PRUNE2: variants seen among roughly 807,000 people sequenced by gnomAD.
PRUNE2 encodes protein prune homolog 2.
A neutral mutation model predicts 252.0 loss-of-function variants in PRUNE2; 164 were observed. The observed-to-expected ratio is 0.65, with a 90% CI of 0.57 to 0.74. The LOEUF is 0.74. Among genes scored for constraint, PRUNE2 ranks in the 30% least tolerant of loss-of-function variants. The pLI, the probability that PRUNE2 is intolerant of heterozygous loss-of-function variation, is 0.00. For missense variants in PRUNE2, 3,495 were observed against 3,711.0 expected, an observed-to-expected ratio of 0.94 and a Z score of 1.51; for synonymous variants, 1,292 against 1,350.2, an observed-to-expected ratio of 0.96 and a Z score of 0.94.
In PRUNE2 at chr9:76,709,975, A is replaced by C; in HGVS notation, c.2299T>G (p.Ser767Ala). ...GTNHLIEDFASLWHSGRSPTA... is the reference protein window; with the variant it reads ...GTNHLIEDFAALWHSGRSPTA... ...GGAGAGCGACCAGAATGCCACAAAGAAGCAAAGTCTTCTATCAGGTGGTTT... is the reference window on the plus strand; with the variant it reads ...GGAGAGCGACCAGAATGCCACAAAGCAGCAAAGTCTTCTATCAGGTGGTTT... The change falls in exon 8 of 19, where the codon TCT (serine) becomes GCT (alanine). Residue 767 changes from serine (S) to alanine (A), a missense_variant. Ser to Ala is a moderately conservative substitution (Grantham distance 99). Transcript: ENST00000376718. The C allele has an allele frequency of 1.9e-6, 3 of 1,613,732 alleles. No homozygotes were observed. The highest frequency in any genetic ancestry group is 1.7e-6 in the Non-Finnish European group (2 of 1,179,790).
At chr9:76,693,704 A>T (rs2045067060) in intron 9 of PRUNE2, among the ~76,000 whole-genome samples, 1 of 152,096 alleles carries the variant, frequency 6.6e-6, no homozygotes, top group Admixed American at 6.5e-5. Context: ...GGCCTCTCAA[A>T]GTGCTGGGAT....
chr9:76,721,571 T>G (rs1227725440), intron 6 of PRUNE2, among the ~76,000 whole-genome samples: 1 of 152,224 alleles, frequency 6.6e-6, no homozygotes, highest in Non-Finnish European at 1.5e-5. Flanking sequence ...TATATGTCAC[T>G]TGTAGTAAAA....
intron 9 of PRUNE2, among the ~76,000 whole-genome samples, chr9:76,691,621 T>C (rs2044732807): frequency 6.6e-6 from 1 of 152,154 alleles, no homozygotes; most frequent in Admixed American, 6.5e-5. Context: ...TAGCAATTAG[T>C]AATAACATTT....
chr9:76,892,297 A>G (rs1449733556), intron 1 of PRUNE2, among the ~76,000 whole-genome samples: 1 of 152,212 alleles, frequency 6.6e-6, no homozygotes, highest in African/African-American at 2.4e-5. Context: ...ACTCTGTCAC[A>G]ATGTACTGTG....
intron 6 of PRUNE2, among the ~76,000 whole-genome samples, chr9:76,753,789 G>T (rs2050847432): frequency 6.6e-6 from 1 of 152,048 alleles, no homozygotes; most frequent in African/African-American, 2.4e-5. Context: ...GTGGTGGCGG[G>T]CACCTGTAGT....
chr9:76,847,418 G>A, intron 3 of PRUNE2, among the ~76,000 whole-genome samples: 1 of 151,204 alleles, frequency 6.6e-6, no homozygotes, highest in African/African-American at 2.4e-5. Flanking sequence ...CATTGTATAA[G>A]TTTTTTTTAA....
In PRUNE2 at chr9:76,706,861, T is replaced by G. The variant is rs376087075; in HGVS notation, c.5413A>C (p.Lys1805Gln). ...TCTTCGTTCTTTGGGAACGAAGCTT[T>G]GGGAGATATTTGCCATGCAACATCT... Reference protein sequence around the residue: ...TGDVAWQISPKASFPKNEDNS... With the variant: ...TGDVAWQISPQASFPKNEDNS... Residue 1805 changes from lysine (K) to glutamine (Q), a missense_variant, in exon 8 of 19, where the codon AAA (lysine) becomes CAA (glutamine). Lys to Gln is a moderately conservative substitution (Grantham distance 53). Transcript: ENST00000376718. 1.4e-4 allele frequency: 217 copies of G among 1,594,560 alleles called. No homozygotes were observed. The highest frequency in any genetic ancestry group is 1.7e-4 in the Non-Finnish European group (203 of 1,170,706).
chr9:76,844,044 T>C (rs2059541217), intron 4 of PRUNE2, among the ~76,000 whole-genome samples: 1 of 152,196 alleles, frequency 6.6e-6, no homozygotes, highest in African/African-American at 2.4e-5. Flanking sequence ...ATTTCTTTTT[T>C]GTATTTACTA....
intron 2 of PRUNE2, 105 bp downstream of exon 2, chr9:76,853,999 C>A: frequency 3.6e-6 from 2 of 557,070 alleles, no homozygotes; most frequent in Non-Finnish European, 6.3e-6. Context: ...TATATCAGAA[C>A]ATTAAAAATT....
Position 76,711,375 on chromosome 9 carries a change from G to C in PRUNE2, c.916-17C>G. ...ACAGCAAATCTGTCGGAAGGCACAG[G>C]AATTTGTGTCAGCACTCAAGCACTG... On this transcript the variant is annotated splice_polypyrimidine_tract_variant and intron_variant, in intron 7 of 18. Transcript: ENST00000376718. The C allele has an allele frequency of 1.9e-6, 3 of 1,580,768 alleles. No individual in the cohort carries two copies. The highest frequency in any genetic ancestry group is 1.7e-6 in the Non-Finnish European group (2 of 1,158,644).
chr9:76,643,676 T>G (rs146586420), intron 12 of PRUNE2, among the ~76,000 whole-genome samples: 1 of 152,342 alleles, frequency 6.6e-6, no homozygotes, highest in Non-Finnish European at 1.5e-5. Context: ...AGAAAGGCCA[T>G]GGCCAGGGCC....
intron 18 of PRUNE2, among the ~76,000 whole-genome samples, chr9:76,614,839 C>A (rs565940293): frequency 6.6e-6 from 1 of 152,118 alleles, no homozygotes; most frequent in Admixed American, 6.5e-5. Context: ...CATTTTACAC[C>A]TTTTCAAAAT....
chr9:76,732,067 C>G (rs533741299), intron 6 of PRUNE2, among the ~76,000 whole-genome samples: 1 of 152,322 alleles, frequency 6.6e-6, no homozygotes, highest in East Asian at 1.9e-4. Flanking sequence ...GTAATCCCAG[C>G]ACTTTGGAAG....
chr9:76,817,959 A>C (rs1225403309), intron 6 of PRUNE2: 2 of 152,226 alleles, frequency 1.3e-5, no homozygotes, highest in African/African-American at 4.8e-5. Context: ...ACATATTTCT[A>C]TTAGTTGGGC....
intron 1 of PRUNE2, among the ~76,000 whole-genome samples, chr9:76,866,674 C>T (rs10113882): frequency 0.042 from 6,103 of 145,110 alleles, 376 homozygotes; most frequent in African/African-American, 0.14. Context: ...AACTTAAGTA[C>T]AAAAAAGGAA....
At chr9:76,638,030 C>A (rs747445037) in intron 13 of PRUNE2, among the ~76,000 whole-genome samples, 156 bp downstream of exon 13, 3 of 152,190 alleles carry the variant, frequency 2.0e-5, no homozygotes, top group Non-Finnish European at 4.4e-5. Context: ...AAGGTTTTAG[C>A]CCCTTGAGCA....
chr9:76,786,305 T>A (rs1277554518), intron 6 of PRUNE2: 1 of 152,160 alleles, frequency 6.6e-6, no homozygotes, highest in Non-Finnish European at 1.5e-5. Flanking sequence ...CTGAGTGATA[T>A]CAACATTAGG....
chr9:76,648,177 G>A (rs954087961), intron 11 of PRUNE2, among the ~76,000 whole-genome samples: 2 of 152,150 alleles, frequency 1.3e-5, no homozygotes, highest in Non-Finnish European at 2.9e-5. Flanking sequence ...ACCAAATGCT[G>A]GTGAGAATGC....
At chr9:76,815,517 A>T (rs115314922) in intron 6 of PRUNE2, among the ~76,000 whole-genome samples, 4,230 of 152,250 alleles carry the variant, frequency 0.028, 181 homozygotes, top group African/African-American at 0.094. Flanking sequence ...AAAGGCACTC[A>T]TGCATTCATG....
Sources: allele counts gnomAD v4.1 joint callset (sites outside exome capture counted in the v4.1 genomes callset), GRCh38; gene constraint gnomAD v4.1.1; transcripts MANE v1.5; gene names NCBI Gene and HGNC (gene_info 2026-07-23, HGNC 2026-07-21).